The following HCRTR2 variants were observed in gnomAD, a reference collection of about 807,000 sequenced individuals.
The protein encoded by HCRTR2 is orexin receptor type 2.
Under a neutral mutation model 49.0 loss-of-function variants are expected in HCRTR2, and 22 were observed. The ratio of observed to expected loss-of-function variants is 0.45; its 90% CI spans 0.32 to 0.64. The LOEUF is 0.64. HCRTR2 is among the 30% of genes least tolerant of loss of function. HCRTR2 has a pLI of 0.04. For missense variants in HCRTR2, 491 were observed against 559.4 expected (o/e 0.88, Z 1.23); for synonymous variants, 236 against 205.3 (o/e 1.15, Z -1.28).
At chr6:55,120,513 T>A (rs145968142) in intron 1 of HCRTR2, among the ~76,000 whole-genome samples, 4,250 of 149,776 alleles carry the variant, frequency 0.028, 218 homozygotes, top group African/African-American at 0.1. Context: ...ATTCTCTTTG[T>A]AGCAGTCGTG....
rs548666128 is a variant in HCRTR2 at position 55,220,276 on chromosome 6, T to C, written c.224-28363T>C. Among the ~76,000 whole-genome samples, 8 of 152,314 alleles carry C rather than the reference T, an allele frequency of 5.3e-5. No homozygotes were observed. The East Asian group carries it at 1.5e-3, about 29-fold the overall frequency. On this transcript the variant is annotated intron_variant, in intron 1 of 6. Transcript: ENST00000370862. ...CACTTTCAAACAAGCTACAGGCCAC[T>C]ATCTCTGATGAATGTAAATGCAAAA...
Position 55,277,344 on chromosome 6 carries a change from C to A in HCRTR2, c.763-36C>A, listed in dbSNP as rs781578862. 5.2e-6 allele frequency: 8 copies of A among 1,549,228 alleles called. No homozygotes were observed. In the African/African-American group the frequency reaches 8.2e-5, roughly 16 times the overall value. ...TCCCCAAAGTGGAACTTTCCTAAGT[C>A]AAATTGCAATAAGGGTCTGTCTCTT... On this transcript the variant is annotated intron_variant, in intron 4 of 6. Coordinates refer to ENST00000370862, the MANE Select transcript of HCRTR2 (RefSeq NM_001384272.1).
At chr6:55,228,475 T>A (rs1162084424) in intron 1 of HCRTR2, among the ~76,000 whole-genome samples, 1 of 152,250 alleles carries the variant, frequency 6.6e-6, no homozygotes, top group African/African-American at 2.4e-5. Context: ...TCTTACAATC[T>A]GTGATTCTTG....
intron 1 of HCRTR2, among the ~76,000 whole-genome samples, chr6:55,187,766 A>G (rs1009428102): frequency 6.2e-5 from 9 of 144,140 alleles, no homozygotes; most frequent in African/African-American, 2.3e-4. Context: ...ATACCTTTAC[A>G]TATTATCAAC....
At chr6:55,241,412 C>G (rs1766330078) in intron 1 of HCRTR2, among the ~76,000 whole-genome samples, 1 of 152,116 alleles carries the variant, frequency 6.6e-6, no homozygotes, top group Admixed American at 6.5e-5. Flanking sequence ...TTCACTGACA[C>G]TTTGTGGCAA....
At chr6:55,242,604 C>T (rs894936063) in intron 1 of HCRTR2, among the ~76,000 whole-genome samples, 3 of 152,298 alleles carry the variant, frequency 2.0e-5, no homozygotes, top group Middle Eastern at 3.4e-3. Context: ...CCAATCACAT[C>T]ACAATATCAT....
chr6:55,144,198 C>T (rs1379008020), intron 1 of HCRTR2, among the ~76,000 whole-genome samples: 2 of 150,054 alleles, frequency 1.3e-5, no homozygotes, highest in African/African-American at 2.5e-5. Flanking sequence ...CCGCAACCTC[C>T]GCCTCCCGGG....
chr6:55,217,864 A>C (rs150750423), intron 1 of HCRTR2, among the ~76,000 whole-genome samples: 68 of 152,144 alleles, frequency 4.5e-4, no homozygotes, highest in East Asian at 2.9e-3. Flanking sequence ...GCACATTTTT[A>C]GGTTGAGCAT....
At chr6:55,223,423 A>G (rs756074164) in intron 1 of HCRTR2, among the ~76,000 whole-genome samples, 28 of 152,206 alleles carry the variant, frequency 1.8e-4, no homozygotes, top group Non-Finnish European at 5.9e-5. Flanking sequence ...ATCGCTTTTA[A>G]AACATCCTGA....
At position 55,174,548 on chromosome 6, in the gene HCRTR2, G is replaced by C; in HGVS notation, c.-40G>C. 1 of 1,527,722 alleles carries C rather than the reference G, an allele frequency of 6.5e-7. No individual in the cohort carries two copies. The highest frequency in any genetic ancestry group is 9.1e-7 in the Non-Finnish European group (1 of 1,101,470). The allele number at this position is 1,527,722 out of a possible 1,614,324, so 94.6% of individuals were successfully genotyped here. A position where few individuals can be genotyped will look rare whatever the true frequency, so the allele number is the denominator to read the frequency against. The stretch of plus-strand genomic sequence containing the variant: ...CCAGTGCTCATGGGGCAGGCGGAGA[G>C]GAGCTTGCAGCATTGAGCGGAACCG... On this transcript the variant is annotated 5_prime_UTR_variant, in exon 1 of 7. Transcript: ENST00000370862.
At chr6:55,264,730 A>G (rs528842371) in intron 4 of HCRTR2, among the ~76,000 whole-genome samples, 1 of 152,198 alleles carries the variant, frequency 6.6e-6, no homozygotes, top group South Asian at 2.1e-4. Flanking sequence ...TGTAAAATGT[A>G]TCTTAAAATG....
chr6:55,218,959 G>C (rs983202550), intron 1 of HCRTR2, among the ~76,000 whole-genome samples: 3 of 152,120 alleles, frequency 2.0e-5, no homozygotes, highest in African/African-American at 7.2e-5. Flanking sequence ...GAGTAGCTGG[G>C]ACTGCAGACA....
chr6:55,218,936 A>G (rs1048388257), intron 1 of HCRTR2, among the ~76,000 whole-genome samples: 1 of 152,112 alleles, frequency 6.6e-6, no homozygotes, highest in South Asian at 2.1e-4. Flanking sequence ...TGATTCTCCC[A>G]CTTCAGCCTG....
Position 55,255,235 on chromosome 6 carries a change from C to A in HCRTR2, c.502C>A (p.Arg168=), listed in dbSNP as rs141639071. ...TTTGATGTTTAAGAGCACAGCAAAG[C>A]GGGCCCGTAACAGCATTGTCATCAT... ...HPLMFKSTAK[R]ARNSIVIIWI... The change falls in exon 3 of 7, where the codon CGG becomes AGG. Residue 168 remains arginine, a synonymous_variant. Coordinates refer to ENST00000370862, the MANE Select transcript of HCRTR2 (RefSeq NM_001384272.1). The A allele has an allele frequency of 3.5e-5, 57 of 1,613,834 alleles. 1 individual carries two copies. The South Asian group carries it at 5.9e-4, about 17-fold the overall frequency.
At chr6:55,258,199 A>G (rs774319390) in intron 3 of HCRTR2, among the ~76,000 whole-genome samples, 4 of 152,136 alleles carry the variant, frequency 2.6e-5, no homozygotes, top group South Asian at 2.1e-4. Flanking sequence ...GATTTTTAAA[A>G]CTATTGTAAA....
chr6:55,260,260 A>T (rs1419908813), intron 3 of HCRTR2, among the ~76,000 whole-genome samples: 1 of 152,190 alleles, frequency 6.6e-6, no homozygotes, highest in Admixed American at 6.6e-5. Flanking sequence ...TAAGCTTCAA[A>T]GTTATATAGA....
chr6:55,195,766 A>T (rs3134693), intron 1 of HCRTR2, among the ~76,000 whole-genome samples: 101,256 of 151,954 alleles, frequency 0.67, 34,191 homozygotes, highest in African/African-American at 0.78. Flanking sequence ...GATCAGGAGA[A>T]TGAGACCATC....
chr6:55,131,947 G>A (rs899005841), intron 1 of HCRTR2, among the ~76,000 whole-genome samples: 21 of 151,698 alleles, frequency 1.4e-4, no homozygotes, highest in Admixed American at 9.2e-4. Context: ...TCAATTTAAA[G>A]GCAATGCGTT....
chr6:55,262,368 T>C (rs1562026014), intron 3 of HCRTR2, among the ~76,000 whole-genome samples: 1 of 138,932 alleles, frequency 7.2e-6, no homozygotes. Context: ...TATAATGTAT[T>C]ATAGTTATAT....
Sources: gnomAD v4.1 joint callset for allele counts (sites outside exome capture counted in the v4.1 genomes callset) on GRCh38, gnomAD v4.1.1 for gene constraint, MANE v1.5 for transcripts, NCBI Gene and HGNC (gene_info 2026-07-23, HGNC 2026-07-21) for gene names.